The following SLC6A16 variants were observed in gnomAD, a reference collection of about 807,000 sequenced individuals.
SLC6A16 encodes the protein orphan sodium- and chloride-dependent neurotransmitter transporter NTT5.
SLC6A16 carries 54 observed loss-of-function variants against 65.4 expected under a neutral mutation model. The observed-to-expected ratio is 0.83, with a 90% CI of 0.66 to 1.04. The LOEUF is 1.04. Ranked by LOEUF, SLC6A16 falls within the 50% of genes least tolerant of loss-of-function variation. SLC6A16 has a pLI of 0.00. For missense variants in SLC6A16, 816 were observed against 914.0 expected (o/e 0.89, Z 1.38); for synonymous variants, 330 against 346.5 (o/e 0.95, Z 0.53).
Position 49,290,146 on chromosome 19 carries a change from A to T in SLC6A16, c.2188T>A (p.Ser730Thr). The change falls in exon 12 of 12, where the codon TCA (serine) becomes ACA (threonine). Residue 730 changes from serine (S) to threonine (T), a missense_variant. Transcript: ENST00000335875. Reference sequence around the variant, plus strand: ...AGTTAGGAAGTCACATTACAAGTTGATGGGTACTTTGTTTCATCAACTTGT... The same window carrying T: ...AGTTAGGAAGTCACATTACAAGTTGTTGGGTACTTTGTTTCATCAACTTGT... ...ILQVDETKYP[S>T]TCNVTS is the part of the protein sequence containing the mutation. 6.2e-7 allele frequency: 1 copy of T among 1,614,066 alleles called. No individual in the cohort carries two copies. The highest frequency in any genetic ancestry group is 8.5e-7 in the Non-Finnish European group (1 of 1,179,986).
intron 7 of SLC6A16, among the ~76,000 whole-genome samples, chr19:49,306,339 C>G (rs1023381700): frequency 6.6e-6 from 1 of 151,064 alleles, no homozygotes; most frequent in Non-Finnish European, 1.5e-5. Flanking sequence ...TAAAGTTATA[C>G]ACAATATGGA....
chr19:49,308,268 T>A (rs914150996), intron 7 of SLC6A16, among the ~76,000 whole-genome samples: 1 of 152,044 alleles, frequency 6.6e-6, no homozygotes, highest in East Asian at 1.9e-4. Context: ...CTGGCTAACA[T>A]GGTGAAACCC....
intron 8 of SLC6A16, 52 bp from the exon 9 acceptor site, chr19:49,294,080 A>C (rs1290739409): frequency 6.9e-7 from 1 of 1,453,646 alleles, no homozygotes; most frequent in Non-Finnish European, 9.5e-7. Flanking sequence ...AACAATAACA[A>C]AAAAATATAG....
At chr19:49,299,521 G>C (rs1248545890) in intron 7 of SLC6A16, among the ~76,000 whole-genome samples, 4 of 135,158 alleles carry the variant, frequency 3.0e-5, no homozygotes, top group Non-Finnish European at 6.1e-5. Flanking sequence ...GGGTGACAGA[G>C]GGAGGCTTGG....
intron 7 of SLC6A16, among the ~76,000 whole-genome samples, chr19:49,302,243 C>A (rs1970304995): frequency 6.6e-6 from 1 of 152,232 alleles, no homozygotes; most frequent in Non-Finnish European, 1.5e-5. Context: ...ACACCACTGA[C>A]CCCAGCCTCC....
chr19:49,335,800 G>T, the SLC6A16 span: 3 of 1,602,232 alleles, frequency 1.9e-6, no homozygotes, highest in Non-Finnish European at 2.6e-6. This position sits in a 1 kb window ranked among gnomAD's most constrained non-coding sequence, Gnocchi z 4.6. Context: ...AGGGGGGCTG[G>T]GGCAGGTGGG....
intron 10 of SLC6A16, 103 bp from the exon 11 acceptor site, chr19:49,290,870 C>T: frequency 1.1e-6 from 1 of 935,398 alleles, no homozygotes; most frequent in Non-Finnish European, 1.6e-6. Context: ...TATTGTATCT[C>T]TAATCTCCTG....
At chr19:49,339,637 C>A in the SLC6A16 span, 1 of 1,430,706 alleles carries the variant, frequency 7.0e-7, no homozygotes, top group South Asian at 1.5e-5. The surrounding 1 kb of genome is among the most constrained non-coding windows in gnomAD (Gnocchi z 4.5). Flanking sequence ...TGGCTGCGAT[C>A]TCCCTCCCCT....
chr19:49,311,474 A>G (rs1788519699), intron 1 of SLC6A16, 63 bp from the exon 2 acceptor site: 4 of 994,216 alleles, frequency 4.0e-6, no homozygotes, highest in Middle Eastern at 3.2e-4. Flanking sequence ...GAGTTACAAA[A>G]CAATCCTCAA....
At chr19:49,310,296 G>A in intron 3 of SLC6A16, 57 bp downstream of exon 3, 7 of 1,606,916 alleles carry the variant, frequency 4.4e-6, no homozygotes, top group Non-Finnish European at 5.1e-6. Context: ...TTCAGGAGGA[G>A]GGTTGGGATG....
chr19:49,290,635 C>T lies in SLC6A16; in HGVS notation c.1911G>A (p.Pro637=), dbSNP rs748533339. ...TTGAGTCCCAGGACATGTAGGTGAT[C>T]GGCTTCATACAAAGATGAACCATCA... is the stretch of plus-strand genomic sequence containing the variant. ...VTMMVHLCMK[P]ITYMSWDSST... The change falls in exon 11 of 12, where the codon CCG becomes CCA. Residue 637 remains proline (P), a synonymous_variant. Coordinates refer to ENST00000335875, the MANE Select transcript of SLC6A16 (RefSeq NM_014037.3). 15 of 1,613,928 alleles carry T rather than the reference C, an allele frequency of 9.3e-6. No individual in the cohort carries two copies. Among genetic ancestry groups the T allele is most frequent in the East Asian group, 6.7e-5 (3 of 44,888 alleles).
intron 7 of SLC6A16, among the ~76,000 whole-genome samples, chr19:49,307,482 T>C (rs1003245636): frequency 6.6e-6 from 1 of 151,906 alleles, no homozygotes; most frequent in Non-Finnish European, 1.5e-5. Flanking sequence ...CACGCACACA[T>C]GTATATTCCC....
chr19:49,327,313 C>T (rs180685721), upstream of SLC6A16, among the ~76,000 whole-genome samples: 1 of 152,252 alleles, frequency 6.6e-6, no homozygotes, highest in African/African-American at 2.4e-5. Context: ...GTCTTGAACT[C>T]CTGACCTCAG....
intron 1 of SLC6A16, among the ~76,000 whole-genome samples, chr19:49,311,885 G>A (rs1220624855): frequency 6.7e-6 from 1 of 149,864 alleles, no homozygotes; most frequent in Non-Finnish European, 1.5e-5. Context: ...ATGTTTTCTT[G>A]TACAGGATAG....
chr19:49,338,183 C>A, the SLC6A16 span: 2 of 1,441,514 alleles, frequency 1.4e-6, no homozygotes, highest in Non-Finnish European at 1.8e-6. The surrounding 1 kb of genome is among the most constrained non-coding windows in gnomAD (Gnocchi z 5.0). Context: ...CCCCAGATGA[C>A]ACAACTGTCC....
rs1970096469 is a variant in SLC6A16 at position 49,292,469 on chromosome 19, T to C, written c.1778+754A>G. On this transcript the variant is annotated intron_variant, in intron 10 of 11. Coordinates refer to ENST00000335875, the MANE Select transcript of SLC6A16 (RefSeq NM_014037.3). The surrounding 1 kb of genome is among the most constrained non-coding windows in gnomAD (Gnocchi z 4.3). ...TCTCCAGACAGCAGCCATAAATACC[T>C]TTTTAAAAAACAAATCTAATAATGG... 6.6e-6 allele frequency among the ~76,000 whole-genome samples: 1 copy of C among 152,222 alleles called. No homozygotes were observed.
chr19:49,303,560 CAGG>C (rs1211625237), intron 7 of SLC6A16, among the ~76,000 whole-genome samples: 1 of 151,050 alleles, frequency 6.6e-6, no homozygotes, highest in Non-Finnish European at 1.5e-5. Flanking sequence ...GAGGCTGAGG[CAGG>C]AGGATTGTTT....
intron 5 of SLC6A16, 115 bp from the exon 6 acceptor site, chr19:49,309,526 G>C: frequency 8.0e-7 from 1 of 1,252,936 alleles, no homozygotes; most frequent in African/African-American, 1.5e-5. Context: ...AAAGCCTTCA[G>C]CAAGAGTCAG....
chr19:49,301,286 A>G (rs1970286957), intron 7 of SLC6A16, among the ~76,000 whole-genome samples: 2 of 151,990 alleles, frequency 1.3e-5, no homozygotes, highest in Admixed American at 1.3e-4. Flanking sequence ...AGGCTATACC[A>G]CCAGCTTCCC....
Sources: allele counts gnomAD v4.1 joint callset (sites outside exome capture counted in the v4.1 genomes callset), GRCh38; gene constraint gnomAD v4.1.1; non-coding constraint Gnocchi (gnomAD v3.1); transcripts MANE v1.5; gene names NCBI Gene and HGNC (gene_info 2026-07-23, HGNC 2026-07-21).